GPHN: variants seen among roughly 807,000 people sequenced by gnomAD.
The protein encoded by GPHN is gephyrin.
A neutral mutation model predicts 95.5 loss-of-function variants in GPHN; 17 were observed. The ratio of observed to expected loss-of-function variants is 0.18; its 90% confidence interval spans 0.12 to 0.27. The LOEUF (loss-of-function observed/expected upper bound fraction) is 0.27. Ranked by LOEUF, GPHN falls within the 10% of genes least tolerant of loss-of-function variation. The probability of loss-of-function intolerance (pLI) is 1.00; values close to 1 mark genes in which losing one functional copy is unlikely to be tolerated. For missense variants in GPHN, 660 were observed against 978.1 expected, an observed-to-expected ratio of 0.67 and a Z score of 4.34; for synonymous variants, 320 against 322.5, an observed-to-expected ratio of 0.99 and a Z score of 0.08.
chr14:67,210,902 G>A, the GPHN span, among the ~76,000 whole-genome samples: 1 of 152,024 alleles, frequency 6.6e-6, no homozygotes, highest in Non-Finnish European at 1.5e-5. Context: ...TACTCAGGAG[G>A]CTAAGGTGGA....
At position 67,074,839 on chromosome 14, in the gene GPHN, G is replaced by T. The variant is rs191301935; in HGVS notation, c.1145-14144G>T. Among the ~76,000 whole-genome samples the T allele has an allele frequency of 1.0e-3, 158 of 152,286 alleles. 2 individuals are homozygous for T. The East Asian group carries it at 0.027, about 26-fold the overall frequency. ...TGAGAGAGGTGAAAAAGGTATAGAA[G>T]AAAAGTTTGAAGCCAGCAGAGGTTG... On this transcript the variant is annotated intron_variant, in intron 11 of 22. Transcript: ENST00000478722.
the GPHN span, chr14:67,333,195 G>A: frequency 2.8e-6 from 1 of 362,178 alleles, no homozygotes; most frequent in Non-Finnish European, 5.0e-6. Flanking sequence ...GATTCTAAAT[G>A]GAAGCTTTCA....
chr14:67,302,077 G>A, the GPHN span: 2 of 1,607,956 alleles, frequency 1.2e-6, no homozygotes, highest in Non-Finnish European at 1.7e-6. Context: ...AGGAGAAACT[G>A]TAAAAATAGT....
chr14:67,244,314 A>G, the GPHN span, among the ~76,000 whole-genome samples: 156 of 152,364 alleles, frequency 1.0e-3, no homozygotes, highest in African/African-American at 3.4e-3. Context: ...TTTCAACATT[A>G]CTAGCTACAG....
chr14:67,318,423 ATC>A, the GPHN span, among the ~76,000 whole-genome samples: 4 of 152,188 alleles, frequency 2.6e-5, no homozygotes, highest in East Asian at 1.9e-4. Context: ...TGTGATTAAT[ATC>A]TCTTTTATTT....
At chr14:67,499,696 A>T in the GPHN span, among the ~76,000 whole-genome samples, 85 of 152,314 alleles carry the variant, frequency 5.6e-4, no homozygotes, top group African/African-American at 2.0e-3. Flanking sequence ...AGAAGTGATG[A>T]TCCCAGAAGA....
chr14:67,377,993 G>A, the GPHN span, among the ~76,000 whole-genome samples: 1 of 151,910 alleles, frequency 6.6e-6, no homozygotes, highest in Non-Finnish European at 1.5e-5. Context: ...TTTGCCTGTA[G>A]TAGTCCCAGC....
the GPHN span, among the ~76,000 whole-genome samples, chr14:67,516,880 G>T: frequency 6.6e-6 from 1 of 152,180 alleles, no homozygotes; most frequent in African/African-American, 2.4e-5. Context: ...AGACAGCCAC[G>T]TGCTACCAGT....
At chr14:67,644,310 G>A in the GPHN span, among the ~76,000 whole-genome samples, 1 of 152,114 alleles carries the variant, frequency 6.6e-6, no homozygotes, top group African/African-American at 2.4e-5. Context: ...CACAGGCCAA[G>A]TATTATTATT....
chr14:66,939,768 C>CT (rs1044456627), intron 8 of GPHN, among the ~76,000 whole-genome samples: 1 of 152,216 alleles, frequency 6.6e-6, no homozygotes, highest in Non-Finnish European at 1.5e-5. Flanking sequence ...ATCTTAACTG[C>CT]TTCCTGCTGG....
the GPHN span, among the ~76,000 whole-genome samples, chr14:67,710,338 A>C: frequency 6.6e-6 from 1 of 152,182 alleles, no homozygotes; most frequent in African/African-American, 2.4e-5. Flanking sequence ...AAAAAGTTTT[A>C]ATCTTTTTTT....
chr14:66,562,010 T>C, intron 1 of GPHN, among the ~76,000 whole-genome samples: 1 of 152,146 alleles, frequency 6.6e-6, no homozygotes, highest in Non-Finnish European at 1.5e-5. Context: ...TGCCCTATTC[T>C]CTTTCTTTGA....
At chr14:66,763,607 A>G (rs940737250) in intron 2 of GPHN, among the ~76,000 whole-genome samples, 5 of 151,770 alleles carry the variant, frequency 3.3e-5, no homozygotes, top group African/African-American at 1.2e-4. Flanking sequence ...TCCATGGTGT[A>G]TATGTGCCAC....
At chr14:67,248,920 A>G in the GPHN span, among the ~76,000 whole-genome samples, 3 of 152,092 alleles carry the variant, frequency 2.0e-5, no homozygotes, top group Admixed American at 6.6e-5. Context: ...TTGGCCTCCT[A>G]AAGTGCTGGG....
intron 17 of GPHN, among the ~76,000 whole-genome samples, chr14:67,136,749 A>T (rs2080100217): frequency 6.6e-6 from 1 of 152,294 alleles, no homozygotes; most frequent in South Asian, 2.1e-4. Flanking sequence ...GTTGCCTAGT[A>T]CATACATTCT....
the GPHN span, among the ~76,000 whole-genome samples, chr14:67,502,881 G>T: frequency 6.6e-6 from 1 of 152,140 alleles, no homozygotes; most frequent in Admixed American, 6.5e-5. Flanking sequence ...GTCCTGAAAT[G>T]TATTAAGATT....
At chr14:66,680,443 C>T (rs1249288376) in intron 1 of GPHN, among the ~76,000 whole-genome samples, 5 of 152,230 alleles carry the variant, frequency 3.3e-5, no homozygotes, top group Non-Finnish European at 5.9e-5. Flanking sequence ...CCAACTGCTG[C>T]CCCAAATCCT....
the GPHN span, among the ~76,000 whole-genome samples, chr14:67,432,951 T>C: frequency 6.6e-6 from 1 of 152,180 alleles, no homozygotes; most frequent in African/African-American, 2.4e-5. Context: ...TTTTAAGTAA[T>C]TATGTCTGCA....
chr14:66,695,121 A>T (rs1170551377), intron 2 of GPHN, among the ~76,000 whole-genome samples: 1 of 152,158 alleles, frequency 6.6e-6, no homozygotes, highest in African/African-American at 2.4e-5. Context: ...AACATGCCAC[A>T]CTGCACTGCA....
Sources: allele counts gnomAD v4.1 joint callset (sites outside exome capture counted in the v4.1 genomes callset), GRCh38; gene constraint gnomAD v4.1.1; transcripts MANE v1.5; gene names NCBI Gene and HGNC (gene_info 2026-07-23, HGNC 2026-07-21).